Variants in SPAG9 observed in about 807,000 individuals in gnomAD.
SPAG9 encodes C-Jun-amino-terminal kinase-interacting protein 4.
Under a neutral mutation model 166.5 loss-of-function variants are expected in SPAG9, and 35 were observed. The ratio of observed to expected loss-of-function variants is 0.21; its 90% confidence interval spans 0.16 to 0.28. The LOEUF is 0.28. Ranked by LOEUF, SPAG9 falls within the 10% of genes least tolerant of loss-of-function variation. The pLI is 1.00. For synonymous variants in SPAG9, 534 were observed against 565.5 expected (o/e 0.94, Z 0.79); for missense variants, 1,235 against 1,603.3 (o/e 0.77, Z 3.92).
At chr17:51,074,046 C>T (rs2144607472) in intron 2 of SPAG9, among the ~76,000 whole-genome samples, 1 of 152,102 alleles carries the variant, frequency 6.6e-6, no homozygotes, top group African/African-American at 2.4e-5. Flanking sequence ...ACCATCATGG[C>T]TAACACGGTG....
intron 1 of SPAG9, among the ~76,000 whole-genome samples, chr17:51,100,376 G>A (rs1405367002): frequency 6.6e-6 from 1 of 152,170 alleles, no homozygotes; most frequent in Non-Finnish European, 1.5e-5. Context: ...AGGCCAAGGT[G>A]GGCAGACTGC....
At position 51,041,615 on chromosome 17, in the gene SPAG9, T is replaced by G; in HGVS notation, c.627A>C (p.Leu209Phe). 6.2e-7 allele frequency: 1 copy of G among 1,613,744 alleles called. No individual in the cohort carries two copies. The highest frequency in any genetic ancestry group is 2.2e-5 in the East Asian group (1 of 44,876). Reference sequence around the variant, plus strand: ...GTGTAAGCAATCCATCTCCAGCAGGTAATGGGAAAATTCCTAATGATATAG... The same window carrying G: ...GTGTAAGCAATCCATCTCCAGCAGGGAATGGGAAAATTCCTAATGATATAG... ...ERPISLGIFP[L>F]PAGDGLLTPD... Residue 209 changes from leucine to phenylalanine, a missense_variant, in exon 5 of 30, where the codon TTA becomes TTC. Physicochemically the swap from Leu to Phe is conservative, Grantham distance 22. Transcript: ENST00000262013.
At chr17:51,014,441 A>G (rs1473504889) in intron 8 of SPAG9, 88 bp from the exon 9 acceptor site, 2 of 1,104,254 alleles carry the variant, frequency 1.8e-6, no homozygotes, top group Non-Finnish European at 2.5e-6. Flanking sequence ...TAAGCTACAT[A>G]GGACTTTCTT....
chr17:50,990,186 C>G (rs1261046071), intron 20 of SPAG9: 1 of 515,672 alleles, frequency 1.9e-6, no homozygotes, highest in Non-Finnish European at 3.5e-6. Context: ...CGCCACCACG[C>G]CCGGTTAATT....
At chr17:51,118,691 T>A (rs1467461857) in intron 1 of SPAG9, among the ~76,000 whole-genome samples, 1 of 152,182 alleles carries the variant, frequency 6.6e-6, no homozygotes, top group Non-Finnish European at 1.5e-5. Flanking sequence ...TGTGATCCTA[T>A]CATTATTTGG....
chr17:51,040,246 CAAAA>C (rs373207596), intron 5 of SPAG9, among the ~76,000 whole-genome samples: 2 of 75,588 alleles, frequency 2.6e-5, no homozygotes. Context: ...GACTCTGTCT[CAAAA>C]AAAAAAAAAA....
intron 28 of SPAG9, among the ~76,000 whole-genome samples, chr17:50,974,182 T>G (rs1424438243): frequency 1.3e-5 from 2 of 152,216 alleles, no homozygotes; most frequent in Admixed American, 6.5e-5. Flanking sequence ...CACTTCCATC[T>G]TTTTTCTGGG....
rs190939900 is a variant in SPAG9 at position 51,043,769 on chromosome 17, T to C, written c.591-2118A>G. On this transcript the variant is annotated intron_variant, in intron 4 of 29. Coordinates refer to ENST00000262013, the MANE Select transcript of SPAG9 (RefSeq NM_001130528.3). Reference sequence around the variant, plus strand: ...AATGCAAAGACAACCAGGAAGATGATATACAGACTTCATAAGACTCCCTCA... The same window carrying C: ...AATGCAAAGACAACCAGGAAGATGACATACAGACTTCATAAGACTCCCTCA... Among the ~76,000 whole-genome samples, 10 of 152,336 alleles carry C rather than the reference T, an allele frequency of 6.6e-5. No homozygotes were observed. In the East Asian group the frequency reaches 1.9e-3, roughly 29 times the overall value.
At chr17:50,982,731 C>T in intron 24 of SPAG9, 59 bp from the exon 25 acceptor site, 4 of 1,409,028 alleles carry the variant, frequency 2.8e-6, no homozygotes, top group South Asian at 1.3e-5. Context: ...AATTTCAACA[C>T]AAGAAACATT....
At position 51,003,948 on chromosome 17, in the gene SPAG9, T is replaced by C. The variant is rs150484356; in HGVS notation, c.1476+1264A>G. 1.9e-4 allele frequency among the ~76,000 whole-genome samples: 29 copies of C among 152,274 alleles called. No homozygotes were observed. In the East Asian group the frequency reaches 3.7e-3, roughly 19 times the overall value. ...AAGCTGAGACAAACTAAATATTCCT[T>C]AACAGGAAAATAAATACATAAATTG... is the stretch of plus-strand genomic sequence containing the variant. On this transcript the variant is annotated intron_variant, in intron 12 of 29. Transcript: ENST00000262013.
chr17:50,982,765 A>G, intron 24 of SPAG9, 93 bp from the exon 25 acceptor site: 2 of 1,167,102 alleles, frequency 1.7e-6, no homozygotes, highest in Non-Finnish European at 2.4e-6. Flanking sequence ...AATTAAATTT[A>G]TTGAGGAAGC....
At chr17:51,062,992 G>C (rs998354952) in intron 2 of SPAG9, among the ~76,000 whole-genome samples, 5 of 152,154 alleles carry the variant, frequency 3.3e-5, no homozygotes, top group Non-Finnish European at 7.3e-5. Flanking sequence ...TTTCATAAGA[G>C]CTAAAGGTCT....
At chr17:50,979,516 C>T (rs1290501009) in intron 26 of SPAG9, among the ~76,000 whole-genome samples, 1 of 151,454 alleles carries the variant, frequency 6.6e-6, no homozygotes, top group African/African-American at 2.4e-5. Context: ...AAAACAAGGA[C>T]TGGGTGAGGT....
intron 1 of SPAG9, among the ~76,000 whole-genome samples, chr17:51,113,797 G>T (rs1169308807): frequency 2.6e-5 from 4 of 151,840 alleles, no homozygotes; most frequent in Non-Finnish European, 5.9e-5. Flanking sequence ...AAATATTCAA[G>T]ATCAGCCTGG....
intron 12 of SPAG9, among the ~76,000 whole-genome samples, chr17:51,005,001 A>C (rs1487741663): frequency 1.3e-5 from 2 of 152,230 alleles, no homozygotes; most frequent in African/African-American, 4.8e-5. Flanking sequence ...GCACAGAGGC[A>C]CAGAGGGAAA....
chr17:51,118,140 A>AG (rs2049350643), intron 1 of SPAG9, among the ~76,000 whole-genome samples: 1 of 152,004 alleles, frequency 6.6e-6, no homozygotes, highest in Non-Finnish European at 1.5e-5. Context: ...TCTCAAAAAA[A>AG]AAAAAAAAGA....
intron 27 of SPAG9, 99 bp from the exon 28 acceptor site, chr17:50,975,046 C>T (rs1026803397): frequency 8.7e-7 from 1 of 1,148,044 alleles, no homozygotes; most frequent in Non-Finnish European, 1.2e-6. Context: ...CTAAAAGCTA[C>T]AGCCAGTTGA....
intron 3 of SPAG9, among the ~76,000 whole-genome samples, chr17:51,053,852 AAAGTATATATATATATAT>A (rs2047260242): frequency 6.1e-5 from 3 of 49,330 alleles, no homozygotes; most frequent in East Asian, 6.3e-4. Flanking sequence ...AAAAAAAAAA[AAAGTATATATATATATAT>A]ATATATATAT....
chr17:51,101,897 T>A (rs1201298263), intron 1 of SPAG9, among the ~76,000 whole-genome samples: 1 of 152,118 alleles, frequency 6.6e-6, no homozygotes, highest in African/African-American at 2.4e-5. Flanking sequence ...AGTGCTGGGA[T>A]TATAGGCATA....
Sources: allele counts gnomAD v4.1 joint callset (sites outside exome capture counted in the v4.1 genomes callset), GRCh38; gene constraint gnomAD v4.1.1; transcripts MANE v1.5; gene names NCBI Gene and HGNC (gene_info 2026-07-23, HGNC 2026-07-21).